Variants in RAP1B observed in about 807,000 individuals in gnomAD.
RAP1B encodes ras-related protein Rap-1b.
In RAP1B, 1 loss-of-function variant was observed where a neutral mutation model predicts 27.5. The observed-to-expected ratio is 0.04, with a 90% CI of 0.01 to 0.17. The LOEUF (loss-of-function observed/expected upper bound fraction) is 0.17, where lower values mean the gene tolerates loss of function less well. Ranked by LOEUF, RAP1B falls within the 10% of genes least tolerant of loss-of-function variation. The pLI is 1.00. For synonymous variants in RAP1B, 75 were observed against 73.1 expected (o/e 1.03, Z -0.13); for missense variants, 84 against 214.8 (o/e 0.39, Z 3.81).
At position 68,667,118 on chromosome 12, in the gene RAP1B, A is replaced by G. The variant is rs1227861704; in HGVS notation, c.*7869A>G. 1 of 152,182 alleles carries G rather than the reference A, an allele frequency of 6.6e-6. No homozygotes were observed. Among genetic ancestry groups the G allele is most frequent in the East Asian group, 1.9e-4 (1 of 5,204 alleles). The allele number at this position is 152,182 out of a possible 1,614,324, so 9.4% of individuals were successfully genotyped here. On this transcript the variant is annotated 3_prime_UTR_variant, in exon 8 of 8. Coordinates refer to ENST00000250559, the MANE Select transcript of RAP1B (RefSeq NM_001010942.3). Reference sequence around the variant, plus strand: ...AACTTCCCCCCTTTTACTTAGATCTAATAGTAATATAACAAACTTTTCTTT... The same window carrying G: ...AACTTCCCCCCTTTTACTTAGATCTGATAGTAATATAACAAACTTTTCTTT...
At chr12:68,634,585 A>ATT (rs544794717) in intron 1 of RAP1B, among the ~76,000 whole-genome samples, 12,433 of 148,768 alleles carry the variant, frequency 0.084, 589 homozygotes, top group East Asian at 0.24. Flanking sequence ...CTATATTATT[A>ATT]TTTTTTTTTT....
At chr12:68,622,801 T>C (rs935056319) in intron 1 of RAP1B, among the ~76,000 whole-genome samples, 1 of 152,186 alleles carries the variant, frequency 6.6e-6, no homozygotes, top group African/African-American at 2.4e-5. Flanking sequence ...GTTAGAAAAA[T>C]ACATAAAGTA....
In RAP1B at chr12:68,661,654, A is replaced by AAC. The variant is rs1874600446; in HGVS notation, c.*2405_*2406insAC. ...GCCAGTCACACCACCCCAGCCCCCA[A>AAC]GTTGTGGCAACCAAAAATGTTTCCA... On this transcript the variant is annotated 3_prime_UTR_variant, in exon 8 of 8. Transcript: ENST00000250559. 1 of 151,834 alleles carries AAC rather than the reference A, an allele frequency of 6.6e-6. No individual in the cohort carries two copies. The highest frequency in any genetic ancestry group is 6.6e-5 in the Admixed American group (1 of 15,180). 9.4% of individuals were successfully genotyped at this position (151,834 alleles called of 1,614,324 possible). A position where few individuals can be genotyped will look rare whatever the true frequency, so the allele number is the denominator to read the frequency against.
rs576364067 is a variant in RAP1B at position 68,650,158 on chromosome 12, T to C, written c.58-242T>C. 164 of 259,898 alleles carry C rather than the reference T, an allele frequency of 6.3e-4. 1 individual carries two copies. Among genetic ancestry groups the C allele is most frequent in the African/African-American group, 2.9e-3 (132 of 44,854 alleles). The allele number at this position is 259,898 out of a possible 1,614,324, so 16.1% of individuals were successfully genotyped here. On this transcript the variant is annotated intron_variant, in intron 2 of 7. Transcript: ENST00000250559. ...TGAAACCAGAGACATTTAAAATTTT[T>C]TAATATATGATCTCTAAATTTAGAA...
At chr12:68,654,987 G>A (rs946050661) in intron 5 of RAP1B, among the ~76,000 whole-genome samples, 6 of 152,042 alleles carry the variant, frequency 3.9e-5, no homozygotes, top group Non-Finnish European at 5.9e-5. Context: ...AACAAGTTTC[G>A]AAGTGGTGTT....
intron 3 of RAP1B, chr12:68,650,712 A>G (rs924069255): frequency 1.3e-5 from 3 of 237,236 alleles, no homozygotes; most frequent in Non-Finnish European, 2.4e-5. Context: ...CAGACCATCC[A>G]TTTCAAGTAG....
At position 68,624,345 on chromosome 12, in the gene RAP1B, A is replaced by G. The variant is rs1351461185; in HGVS notation, c.-27+13302A>G. On this transcript the variant is annotated intron_variant, in intron 1 of 7. Transcript: ENST00000250559. ...TTAAATATTGAGAGCTCATAACTAC[A>G]GTTTCATCTTGGTGATTTTTTTAGT... Among the ~76,000 whole-genome samples the G allele has an allele frequency of 4.6e-5, 7 of 152,290 alleles. 1 individual carries two copies. In the South Asian group the frequency reaches 1.2e-3, roughly 27 times the overall value.
chr12:68,624,314 A>T (rs1255449786), intron 1 of RAP1B, among the ~76,000 whole-genome samples: 1 of 152,170 alleles, frequency 6.6e-6, no homozygotes, highest in Non-Finnish European at 1.5e-5. Flanking sequence ...ACATTTTTTT[A>T]AATGTTTAAA....
At chr12:68,631,269 T>G (rs769166652) in intron 1 of RAP1B, among the ~76,000 whole-genome samples, 3 of 152,214 alleles carry the variant, frequency 2.0e-5, no homozygotes, top group Non-Finnish European at 2.9e-5. Context: ...TATGTCACTT[T>G]CTTGCAGTTT....
intron 1 of RAP1B, among the ~76,000 whole-genome samples, chr12:68,623,703 T>C (rs1871542493): frequency 6.6e-6 from 1 of 152,148 alleles, no homozygotes; most frequent in African/African-American, 2.4e-5. Flanking sequence ...TTTTCAGAGA[T>C]TTTAGGATTT....
chr12:68,656,265 T>C (rs117896366), intron 5 of RAP1B, 41 bp from the exon 6 acceptor site: 915 of 1,530,036 alleles, frequency 6.0e-4, no homozygotes, highest in Non-Finnish European at 7.5e-4. Flanking sequence ...TCATATAGCA[T>C]ATTTACTTAT....
At chr12:68,630,551 T>C (rs767745540) in intron 1 of RAP1B, among the ~76,000 whole-genome samples, 2 of 152,242 alleles carry the variant, frequency 1.3e-5, no homozygotes, top group Non-Finnish European at 2.9e-5. Context: ...TTCCAGGCAC[T>C]GTGTTAAGTT....
intron 4 of RAP1B, 137 bp downstream of exon 4, chr12:68,652,188 C>T: frequency 1.7e-6 from 1 of 603,350 alleles, no homozygotes; most frequent in Non-Finnish European, 2.8e-6. Context: ...GCTCACACCT[C>T]TATTCCCAGC....
At chr12:68,646,845 A>C (rs1250148561) in intron 1 of RAP1B, among the ~76,000 whole-genome samples, 2 of 152,180 alleles carry the variant, frequency 1.3e-5, no homozygotes, top group Non-Finnish European at 2.9e-5. Context: ...GAAAACAAAG[A>C]CCTTTTTATT....
At chr12:68,611,771 CTT>C (rs1870613436) in intron 1 of RAP1B, among the ~76,000 whole-genome samples, 1 of 152,290 alleles carries the variant, frequency 6.6e-6, no homozygotes, top group South Asian at 2.1e-4. Context: ...GAGGAAATCT[CTT>C]TCTCTTAGAG....
At chr12:68,647,379 CACTCCCCG>C (rs1565670477) in intron 1 of RAP1B, among the ~76,000 whole-genome samples, 4 of 24,304 alleles carry the variant, frequency 1.6e-4, no homozygotes, top group Non-Finnish European at 3.0e-4. Context: ...CCCCCCACTC[CACTCCCCG>C]CCCCCCCCCC....
chr12:68,647,377 T>TCCCCCCCCCCCCCC (rs1873489897), intron 1 of RAP1B, among the ~76,000 whole-genome samples: 3 of 3,252 alleles, frequency 9.2e-4, no homozygotes, highest in Non-Finnish European at 1.6e-3. Flanking sequence ...TGCCCCCCAC[T>TCCCCCCCCCCCCCC]CCACTCCCCG....
chr12:68,634,371 GA>G (rs1872483939), intron 1 of RAP1B, among the ~76,000 whole-genome samples: 1 of 152,154 alleles, frequency 6.6e-6, no homozygotes, highest in Non-Finnish European at 1.5e-5. Flanking sequence ...CACTCAAGTA[GA>G]ACTGATTCCA....
chr12:68,613,310 G>A (rs1870742004), intron 1 of RAP1B, among the ~76,000 whole-genome samples: 1 of 149,504 alleles, frequency 6.7e-6, no homozygotes, highest in Non-Finnish European at 1.5e-5. Flanking sequence ...GAACCAGCTT[G>A]AACCTGGGAG....
Sources: allele counts gnomAD v4.1 joint callset (sites outside exome capture counted in the v4.1 genomes callset), GRCh38; gene constraint gnomAD v4.1.1; transcripts MANE v1.5; gene names NCBI Gene and HGNC (gene_info 2026-07-23, HGNC 2026-07-21).